The following PBRM1 variants were observed in gnomAD, a reference collection of about 807,000 sequenced individuals.
The protein encoded by PBRM1 is protein polybromo-1.
PBRM1 carries 27 observed loss-of-function variants against 194.5 expected under a neutral mutation model. That is an observed-to-expected ratio of 0.14 (90% CI 0.10 to 0.19). PBRM1 has a LOEUF of 0.19. Among genes scored for constraint, PBRM1 ranks in the 10% least tolerant of loss-of-function variants. PBRM1 has a pLI of 1.00. For synonymous variants in PBRM1, 655 were observed against 693.2 expected, an observed-to-expected ratio of 0.94 and a Z score of 0.87; for missense variants, 1,466 against 2,077.2, an observed-to-expected ratio of 0.71 and a Z score of 5.72.
chr3:52,580,667 T>C (rs553795787), intron 20 of PBRM1, among the ~76,000 whole-genome samples: 1 of 152,284 alleles, frequency 6.6e-6, no homozygotes, highest in Admixed American at 6.5e-5. Context: ...CAGCCAAACA[T>C]GCTCTGTTTT....
chr3:52,555,558 C>A (rs1011819281), intron 26 of PBRM1, among the ~76,000 whole-genome samples: 2 of 152,172 alleles, frequency 1.3e-5, no homozygotes, highest in African/African-American at 2.4e-5. Flanking sequence ...CACTCCCAAC[C>A]AAGCCAACCA....
rs145865479 is a variant in PBRM1 at position 52,578,002 on chromosome 3, G to A, written c.3533+1052C>T. Among the ~76,000 whole-genome samples, 611 of 152,144 alleles carry A rather than the reference G, an allele frequency of 4.0e-3. 3 individuals carry two copies. The highest frequency in any genetic ancestry group is 0.022 in the South Asian group (107 of 4,814). On this transcript the variant is annotated intron_variant, in intron 21 of 29. Coordinates refer to ENST00000296302, the Ensembl canonical transcript of PBRM1. ...CTTATCTCTTACTAACTCATTAATGGCTCACTCTCCTACTAACAAACAGGC... is the reference window on the plus strand; with the variant it reads ...CTTATCTCTTACTAACTCATTAATGACTCACTCTCCTACTAACAAACAGGC...
intron 5 of PBRM1, among the ~76,000 whole-genome samples, chr3:52,657,528 G>A (rs1047874875): frequency 6.6e-6 from 1 of 151,990 alleles, no homozygotes; most frequent in East Asian, 1.9e-4. Context: ...GGAGTGCAAC[G>A]GCATGATGTC....
chr3:52,584,346 G>C (rs35272104), intron 20 of PBRM1, among the ~76,000 whole-genome samples: 9,120 of 150,520 alleles, frequency 0.061, 363 homozygotes, highest in Non-Finnish European at 0.085. Context: ...TATATATGAA[G>C]ACTATTCATT....
chr3:52,550,417 T>G lies in PBRM1; in HGVS notation c.4897+4A>C. On this transcript the variant is annotated splice_donor_region_variant and intron_variant, in intron 29 of 29. Coordinates refer to ENST00000296302, the Ensembl canonical transcript of PBRM1. ...CACAAAGGCTTATTTAGAAGGAATC[T>G]TACCTGCCAGTGTCTGATCCCACTT... 15 of 1,434,082 alleles carry G rather than the reference T, an allele frequency of 1.0e-5. No homozygotes were observed. The highest frequency in any genetic ancestry group is 1.3e-5 in the Non-Finnish European group (14 of 1,083,034). The allele number at this position is 1,434,082 out of a possible 1,614,324, so 88.8% of individuals were successfully genotyped here. A position where few individuals can be genotyped will look rare whatever the true frequency, so the allele number is the denominator to read the frequency against.
At position 52,643,965 on chromosome 3, in the gene PBRM1, C is replaced by G. The variant is rs534935075; in HGVS notation, c.900-622G>C. On this transcript the variant is annotated intron_variant, in intron 8 of 29. Transcript: ENST00000296302. ...CCAGTTTGGGCAACAGAGTGAGACTCTGTCTCAAAAAAAAAAAATCACAGT... is the reference window on the plus strand; with the variant it reads ...CCAGTTTGGGCAACAGAGTGAGACTGTGTCTCAAAAAAAAAAAATCACAGT... Among the ~76,000 whole-genome samples, 6 of 151,112 alleles carry G rather than the reference C, an allele frequency of 4.0e-5. No homozygotes were observed. The East Asian group carries it at 1.2e-3, about 29-fold the overall frequency.
intron 3 of PBRM1, among the ~76,000 whole-genome samples, chr3:52,667,457 T>TA (rs1384274279): frequency 6.6e-6 from 1 of 151,948 alleles, no homozygotes; most frequent in African/African-American, 2.4e-5. Context: ...CCACAATAAT[T>TA]AAAAAATTTC....
intron 22 of PBRM1, among the ~76,000 whole-genome samples, chr3:52,566,277 T>G (rs2085191780): frequency 6.6e-6 from 1 of 152,138 alleles, no homozygotes; most frequent in Non-Finnish European, 1.5e-5. Flanking sequence ...GGAAAATATT[T>G]AGGCAGTTTC....
chr3:52,632,963 G>A (rs1382945351), intron 11 of PBRM1, among the ~76,000 whole-genome samples: 1 of 152,080 alleles, frequency 6.6e-6, no homozygotes, highest in Non-Finnish European at 1.5e-5. Flanking sequence ...GCTAACCAAA[G>A]TGCTGGGATT....
intron 2 of PBRM1, among the ~76,000 whole-genome samples, chr3:52,674,800 T>C (rs1211206248): frequency 6.6e-6 from 1 of 150,798 alleles, no homozygotes; most frequent in Non-Finnish European, 1.5e-5. Flanking sequence ...ACAATATATA[T>C]ATTTTATGTG....
At chr3:52,547,909 TAA>T, downstream of PBRM1, 6 of 561,278 alleles carry the variant, frequency 1.1e-5, no homozygotes, top group South Asian at 1.5e-4. Context: ...AATAGCTTAT[TAA>T]AAGTGTCCGT....
At position 52,577,009 on chromosome 3, in the gene PBRM1, G is replaced by A. The variant is rs573395786; in HGVS notation, c.3534-311C>T. ...TCCTGAGACGTTCATGATGAAAACA[G>A]AACTAAGCATTTGTCATTGGACTTG... is the stretch of plus-strand genomic sequence containing the variant. On this transcript the variant is annotated intron_variant, in intron 21 of 29. Coordinates refer to ENST00000296302, the Ensembl canonical transcript of PBRM1. Among the ~76,000 whole-genome samples the A allele has an allele frequency of 4.6e-5, 7 of 152,338 alleles. No homozygotes were observed. The East Asian group carries it at 1.3e-3, about 29-fold the overall frequency.
intron 6 of PBRM1, among the ~76,000 whole-genome samples, chr3:52,650,502 T>A (rs2096461929): frequency 6.6e-6 from 1 of 151,756 alleles, no homozygotes. Flanking sequence ...GAGTTTAAAG[T>A]CAAAGAAGTT....
chr3:52,644,513 T>G (rs2096231178), intron 8 of PBRM1, among the ~76,000 whole-genome samples, 191 bp downstream of exon 9: 1 of 152,070 alleles, frequency 6.6e-6, no homozygotes, highest in Admixed American at 6.6e-5. Context: ...GCCTCCCAAG[T>G]AGCTGTGACT....
intron 2 of PBRM1, among the ~76,000 whole-genome samples, chr3:52,673,317 T>C (rs1422746607): frequency 6.6e-6 from 1 of 151,652 alleles, no homozygotes; most frequent in African/African-American, 2.4e-5. Context: ...ATACTGCCTA[T>C]GTGAACCAGG....
At chr3:52,681,766 C>T (rs1371710660), upstream of PBRM1, 2 of 1,012,328 alleles carry the variant, frequency 2.0e-6, no homozygotes, top group Admixed American at 1.2e-4. Context: ...CAAGTGAAGC[C>T]AGTGGGAGAA....
At chr3:52,633,332 A>G (rs946535128) in intron 11 of PBRM1, among the ~76,000 whole-genome samples, 3 of 152,106 alleles carry the variant, frequency 2.0e-5, no homozygotes, top group South Asian at 2.1e-4. Flanking sequence ...AGCTTCATCC[A>G]TGTTAGAGCG....
intron 6 of PBRM1, among the ~76,000 whole-genome samples, chr3:52,648,819 T>C (rs1230351926): frequency 6.6e-6 from 1 of 152,072 alleles, no homozygotes; most frequent in African/African-American, 2.4e-5. Context: ...GAAGCAAAAC[T>C]CCCCCTAGTT....
At chr3:52,634,376 G>A (rs942986708) in intron 11 of PBRM1, among the ~76,000 whole-genome samples, 1 of 147,896 alleles carries the variant, frequency 6.8e-6, no homozygotes, top group Non-Finnish European at 1.5e-5. Flanking sequence ...GGCGGAGGTT[G>A]CAGTGAGCCG....
Sources: gnomAD v4.1 joint callset for allele counts (sites outside exome capture counted in the v4.1 genomes callset) on GRCh38, gnomAD v4.1.1 for gene constraint, MANE v1.5 for transcripts, NCBI Gene and HGNC (gene_info 2026-07-23, HGNC 2026-07-21) for gene names.